The following HEMK2 variants were observed in gnomAD, a reference collection of about 807,000 sequenced individuals.
HEMK2 encodes the protein methyltransferase HEMK2.
chr21:28,773,105 T>C, the HEMK2 span, among the ~76,000 whole-genome samples: 2 of 152,290 alleles, frequency 1.3e-5, no homozygotes, highest in South Asian at 2.1e-4. Context: ...GTAGCTCTAG[T>C]GCCTCTCCTG....
the HEMK2 span, among the ~76,000 whole-genome samples, chr21:28,590,117 CT>C: frequency 6.6e-6 from 1 of 152,332 alleles, no homozygotes; most frequent in East Asian, 1.9e-4. Context: ...GTGTTACTCT[CT>C]GTTTTTGGCT....
At chr21:28,596,418 A>G in the HEMK2 span, among the ~76,000 whole-genome samples, 1 of 152,210 alleles carries the variant, frequency 6.6e-6, no homozygotes, top group African/African-American at 2.4e-5. Context: ...TACAACAAAT[A>G]ACACATACAC....
the HEMK2 span, among the ~76,000 whole-genome samples, chr21:28,799,463 A>G: frequency 6.6e-6 from 1 of 152,182 alleles, no homozygotes; most frequent in Non-Finnish European, 1.5e-5. Context: ...TTGGGTGGGG[A>G]CACAGCCAAA....
the HEMK2 span, among the ~76,000 whole-genome samples, chr21:28,857,368 T>C: frequency 6.6e-6 from 1 of 152,160 alleles, no homozygotes; most frequent in African/African-American, 2.4e-5. Context: ...AATGAACATA[T>C]ACAAGAAAGA....
At chr21:28,788,279 T>TACAC in the HEMK2 span, among the ~76,000 whole-genome samples, 628 of 147,150 alleles carry the variant, frequency 4.3e-3, 1 homozygote, top group Non-Finnish European at 7.5e-3. Flanking sequence ...CCATCATATA[T>TACAC]ACACACACAC....
At chr21:28,792,593 T>G in the HEMK2 span, among the ~76,000 whole-genome samples, 4 of 152,166 alleles carry the variant, frequency 2.6e-5, no homozygotes, top group African/African-American at 9.7e-5. Context: ...GGTGAATACT[T>G]GGTACAATAA....
At chr21:28,576,803 C>T in the HEMK2 span, among the ~76,000 whole-genome samples, 5 of 152,090 alleles carry the variant, frequency 3.3e-5, no homozygotes, top group Admixed American at 6.5e-5. Flanking sequence ...CTCCACCTCC[C>T]GGGTTCAAGC....
the HEMK2 span, among the ~76,000 whole-genome samples, chr21:28,684,502 T>A: frequency 6.6e-6 from 1 of 152,246 alleles, no homozygotes; most frequent in African/African-American, 2.4e-5. Context: ...ATCCATTTCC[T>A]TCTGCATAAA....
the HEMK2 span, among the ~76,000 whole-genome samples, chr21:28,716,165 G>A: frequency 6.6e-6 from 1 of 152,016 alleles, no homozygotes; most frequent in Non-Finnish European, 1.5e-5. Flanking sequence ...TTCTAATTCT[G>A]TAAAAAATTA....
the HEMK2 span, among the ~76,000 whole-genome samples, chr21:28,723,585 T>C: frequency 6.6e-6 from 1 of 152,170 alleles, no homozygotes; most frequent in African/African-American, 2.4e-5. Context: ...AGATTAAAAA[T>C]CTAAAACAGG....
the HEMK2 span, among the ~76,000 whole-genome samples, chr21:28,714,611 C>T: frequency 6.6e-6 from 1 of 152,162 alleles, no homozygotes; most frequent in Non-Finnish European, 1.5e-5. Flanking sequence ...AAAGAGTTGA[C>T]TAATACACAG....
At chr21:28,625,231 TTA>T in the HEMK2 span, among the ~76,000 whole-genome samples, 2 of 152,220 alleles carry the variant, frequency 1.3e-5, no homozygotes, top group Non-Finnish European at 2.9e-5. Context: ...AAGAATAAAG[TTA>T]TTTTAGGAGA....
chr21:28,658,031 G>A, the HEMK2 span, among the ~76,000 whole-genome samples: 1 of 151,992 alleles, frequency 6.6e-6, no homozygotes, highest in Non-Finnish European at 1.5e-5. Flanking sequence ...GCCATTTCTT[G>A]GTATGTGTGC....
chr21:28,877,599 A>G, the HEMK2 span, among the ~76,000 whole-genome samples: 212 of 149,864 alleles, frequency 1.4e-3, no homozygotes, highest in African/African-American at 4.9e-3. Flanking sequence ...AAAGATGGAG[A>G]GAAGGAAGGA....
At chr21:28,590,665 G>A in the HEMK2 span, among the ~76,000 whole-genome samples, 1 of 152,226 alleles carries the variant, frequency 6.6e-6, no homozygotes, top group Admixed American at 6.5e-5. Context: ...TGCCAATTAT[G>A]AAGCAGCAGG....
At chr21:28,713,696 T>C in the HEMK2 span, among the ~76,000 whole-genome samples, 1 of 152,226 alleles carries the variant, frequency 6.6e-6, no homozygotes, top group Non-Finnish European at 1.5e-5. Context: ...TGTAACCTTC[T>C]GCGCTTTTCC....
the HEMK2 span, among the ~76,000 whole-genome samples, chr21:28,843,199 T>G: frequency 6.6e-6 from 1 of 152,148 alleles, no homozygotes; most frequent in Non-Finnish European, 1.5e-5. Context: ...TAGTCCATTT[T>G]CACACTGCTA....
the HEMK2 span, among the ~76,000 whole-genome samples, chr21:28,609,763 A>G: frequency 0.018 from 2,699 of 152,100 alleles, 107 homozygotes; most frequent in African/African-American, 0.063. Flanking sequence ...GAGAAATGTA[A>G]AATGCACTGG....
the HEMK2 span, among the ~76,000 whole-genome samples, chr21:28,606,388 A>T: frequency 6.6e-6 from 1 of 152,184 alleles, no homozygotes; most frequent in Non-Finnish European, 1.5e-5. Context: ...GAGCTCCATA[A>T]AGAAGCCAAA....
Sources: gnomAD v4.1 joint callset for allele counts (sites outside exome capture counted in the v4.1 genomes callset) on GRCh38, gnomAD v4.1.1 for gene constraint, MANE v1.5 for transcripts, NCBI Gene and HGNC (gene_info 2026-07-23, HGNC 2026-07-21) for gene names.